The following TIAM1 variants were observed in gnomAD, a reference collection of about 807,000 sequenced individuals.
TIAM1 encodes the protein rho guanine nucleotide exchange factor TIAM1.
In TIAM1, 65 loss-of-function variants were observed where a neutral mutation model predicts 163.5. The observed-to-expected ratio is 0.40, with a 90% CI of 0.33 to 0.49. TIAM1 has a LOEUF of 0.49. Ranked by LOEUF, TIAM1 falls within the 20% of genes least tolerant of loss-of-function variation. The pLI is 0.77. For synonymous variants in TIAM1, 833 were observed against 810.1 expected, an observed-to-expected ratio of 1.03 and a Z score of -0.48; for missense variants, 1,789 against 2,044.7, an observed-to-expected ratio of 0.87 and a Z score of 2.41.
At chr21:31,452,648 G>T in intron 2 of TIAM1, 1 of 458,778 alleles carries the variant, frequency 2.2e-6, no homozygotes. Context: ...TTTTCTCACT[G>T]AAATTCTCAG....
chr21:31,127,283 CCTA>C lies in TIAM1; in HGVS notation c.4046-134_4046-132del, dbSNP rs907249822. ...CACTGTATAAGATCAAAGATATTTT[CCTA>C]CTATTTCACAATCTAAAGAGATGAA... On this transcript the variant is annotated intron_variant, in intron 25 of 27. Transcript: ENST00000541036. 4 of 776,904 alleles carry C rather than the reference CCTA, an allele frequency of 5.1e-6. No homozygotes were observed. The South Asian group carries it at 5.4e-5, about 11-fold the overall frequency. The allele number at this position is 776,904 out of a possible 1,614,324, so 48.1% of individuals were successfully genotyped here.
At chr21:31,230,606 C>T (rs2088354942) in intron 6 of TIAM1, among the ~76,000 whole-genome samples, 1 of 152,144 alleles carries the variant, frequency 6.6e-6, no homozygotes, top group Non-Finnish European at 1.5e-5. Context: ...CTCACTGCCA[C>T]CTCCGCCTCC....
intron 2 of TIAM1, among the ~76,000 whole-genome samples, chr21:31,372,933 T>A (rs1357216280): frequency 6.6e-6 from 1 of 151,294 alleles, no homozygotes; most frequent in Admixed American, 6.6e-5. Context: ...CGCATGCCTG[T>A]AATAGCAGCT....
At chr21:31,227,118 G>A (rs969891602) in intron 6 of TIAM1, among the ~76,000 whole-genome samples, 5 of 151,750 alleles carry the variant, frequency 3.3e-5, no homozygotes, top group Admixed American at 6.6e-5. Context: ...CACCATGCCC[G>A]GCTAAGTTTT....
chr21:31,413,645 C>T (rs781296957), intron 2 of TIAM1, among the ~76,000 whole-genome samples: 10 of 152,084 alleles, frequency 6.6e-5, no homozygotes, highest in African/African-American at 1.2e-4. Context: ...GAAAGGAATA[C>T]GATTAAATTG....
chr21:31,196,601 T>G (rs2085873087), intron 12 of TIAM1, among the ~76,000 whole-genome samples: 1 of 151,842 alleles, frequency 6.6e-6, no homozygotes, highest in Non-Finnish European at 1.5e-5. Flanking sequence ...ATTACAGGCA[T>G]GAGCCACCAT....
rs1231326692 is a variant in TIAM1 at position 31,457,367 on chromosome 21, GATA to G, written c.-369+6613_-369+6615del. On this transcript the variant is annotated intron_variant, in intron 2 of 28. Coordinates refer to the TIAM1 transcript ENST00000286827. ...AATTAAAGGCATTGAAAAAGATCAT[GATA>G]ATGACAGCAATGACAACGACATTAA... Among the ~76,000 whole-genome samples, 22 of 152,280 alleles carry G rather than the reference GATA, an allele frequency of 1.4e-4. No homozygotes were observed. In the East Asian group the frequency reaches 3.5e-3, roughly 24 times the overall value.
At chr21:31,438,607 A>G (rs764683567) in intron 2 of TIAM1, among the ~76,000 whole-genome samples, 10 of 152,012 alleles carry the variant, frequency 6.6e-5, no homozygotes, top group African/African-American at 9.7e-5. Flanking sequence ...TCATGATGTA[A>G]CCCTTTTCCC....
chr21:31,438,366 A>G (rs1194030471), intron 2 of TIAM1, among the ~76,000 whole-genome samples: 2 of 151,204 alleles, frequency 1.3e-5, no homozygotes, highest in Non-Finnish European at 2.9e-5. Flanking sequence ...TAATTTTTGT[A>G]TTTTTAGTAG....
At chr21:31,289,190 G>A (rs574177098) in intron 2 of TIAM1, among the ~76,000 whole-genome samples, 26 of 152,200 alleles carry the variant, frequency 1.7e-4, no homozygotes, top group African/African-American at 5.8e-4. Flanking sequence ...CTCAGGCAAT[G>A]CCCTGGTTTA....
intron 1 of TIAM1, among the ~76,000 whole-genome samples, chr21:31,490,951 C>G (rs1432894730): frequency 6.6e-6 from 1 of 152,092 alleles, no homozygotes; most frequent in Admixed American, 6.5e-5. Flanking sequence ...ATGGTGAAAC[C>G]CCGTCTCTAC....
chr21:31,427,058 C>T (rs1694478794), intron 2 of TIAM1, among the ~76,000 whole-genome samples: 1 of 152,082 alleles, frequency 6.6e-6, no homozygotes, highest in Non-Finnish European at 1.5e-5. Context: ...GTAGCTAAGA[C>T]TACAGGTGTG....
intron 2 of TIAM1, among the ~76,000 whole-genome samples, chr21:31,338,794 A>G (rs762608451): frequency 1.8e-4 from 28 of 152,122 alleles, no homozygotes; most frequent in Non-Finnish European, 3.8e-4. Context: ...GAAATATTCC[A>G]CTTGAACAAA....
intron 12 of TIAM1, 126 bp from the exon 13 acceptor site, chr21:31,195,431 C>CA: frequency 1.5e-6 from 1 of 660,560 alleles, no homozygotes; most frequent in East Asian, 2.8e-5. Context: ...ACAATCTTAT[C>CA]ATTAAACGAA....
intron 4 of TIAM1, among the ~76,000 whole-genome samples, chr21:31,255,007 T>A (rs2072017934): frequency 6.6e-6 from 1 of 152,122 alleles, no homozygotes; most frequent in South Asian, 2.1e-4. Flanking sequence ...AAGGCCTCAA[T>A]GGACACTCAC....
At chr21:31,393,414 T>A (rs576132623) in intron 2 of TIAM1, among the ~76,000 whole-genome samples, 1 of 152,278 alleles carries the variant, frequency 6.6e-6, no homozygotes, top group South Asian at 2.1e-4. Context: ...TACTATTCCA[T>A]GAGCTCAACA....
At chr21:31,328,667 G>T (rs928676328) in intron 2 of TIAM1, among the ~76,000 whole-genome samples, 2 of 151,880 alleles carry the variant, frequency 1.3e-5, no homozygotes, top group Non-Finnish European at 2.9e-5. Flanking sequence ...AGGTTTTAAG[G>T]CCCGCATGCA....
intron 15 of TIAM1, among the ~76,000 whole-genome samples, chr21:31,173,212 C>CAG (rs1248696930): frequency 1.3e-5 from 2 of 152,146 alleles, no homozygotes; most frequent in Admixed American, 6.5e-5. Flanking sequence ...GTGCTCTAAG[C>CAG]AGACCCTCCA....
At chr21:31,352,545 TAA>T (rs35386667) in intron 2 of TIAM1, among the ~76,000 whole-genome samples, 21 of 132,434 alleles carry the variant, frequency 1.6e-4, no homozygotes, top group Non-Finnish European at 2.2e-4. Flanking sequence ...TATGTAGCTT[TAA>T]AAAAAAAAAA....
Sources: gnomAD v4.1 joint callset for allele counts (sites outside exome capture counted in the v4.1 genomes callset) on GRCh38, gnomAD v4.1.1 for gene constraint, MANE v1.5 for transcripts, NCBI Gene and HGNC (gene_info 2026-07-23, HGNC 2026-07-21) for gene names.